The following DCLK2 variants were observed in gnomAD, a reference collection of about 807,000 sequenced individuals.
DCLK2 encodes the protein serine/threonine-protein kinase DCLK2.
Under a neutral mutation model 78.4 loss-of-function variants are expected in DCLK2, and 31 were observed. That is an observed-to-expected ratio of 0.40 (90% confidence interval 0.30 to 0.53). The LOEUF is 0.53. Among genes scored for constraint, DCLK2 ranks in the 20% least tolerant of loss-of-function variants. The probability of loss-of-function intolerance (pLI) is 0.61; values close to 1 mark genes in which losing one functional copy is unlikely to be tolerated. For missense variants in DCLK2, 872 were observed against 973.7 expected, an observed-to-expected ratio of 0.90 and a Z score of 1.39; for synonymous variants, 407 against 374.9, an observed-to-expected ratio of 1.09 and a Z score of -0.99.
At chr4:150,239,431 C>G (rs888782696) in intron 10 of DCLK2, among the ~76,000 whole-genome samples, 1 of 152,056 alleles carries the variant, frequency 6.6e-6, no homozygotes, top group East Asian at 1.9e-4. Flanking sequence ...GACCCCGTCT[C>G]TACAAAAAAT....
Position 150,098,703 on chromosome 4 carries a change from T to TC in DCLK2, c.422-3775_422-3774insC, listed in dbSNP as rs1229718278. 6.3e-4 allele frequency among the ~76,000 whole-genome samples: 94 copies of TC among 150,126 alleles called. 1 individual carries two copies. The highest frequency in any genetic ancestry group is 2.2e-3 in the African/African-American group (91 of 41,104). Reference sequence around the variant, plus strand: ...CTGTGGGGTTTTTTCTTTTTCTTTTTTTTTTTTTTTTGGCAGAGTCTCATT... The same window carrying TC: ...CTGTGGGGTTTTTTCTTTTTCTTTTTCTTTTTTTTTTTGGCAGAGTCTCATT... On this transcript the variant is annotated intron_variant, in intron 1 of 15. Transcript: ENST00000296550.
intron 1 of DCLK2, among the ~76,000 whole-genome samples, chr4:150,097,336 A>G (rs899850614): frequency 1.3e-5 from 2 of 151,696 alleles, no homozygotes. Context: ...TAATTTTTGT[A>G]TTTTTTAGTA....
chr4:150,170,242 C>T (rs1359759303), intron 2 of DCLK2, among the ~76,000 whole-genome samples: 2 of 152,088 alleles, frequency 1.3e-5, no homozygotes, highest in African/African-American at 2.4e-5. Context: ...CATGGTTTCA[C>T]CATGTTGGCC....
chr4:150,220,154 T>C (rs1209366109), intron 5 of DCLK2, among the ~76,000 whole-genome samples: 1 of 152,248 alleles, frequency 6.6e-6, no homozygotes, highest in African/African-American at 2.4e-5. Context: ...TCTCTGGACC[T>C]TGTTTTTAAA....
chr4:150,148,320 G>GT, intron 2 of DCLK2, among the ~76,000 whole-genome samples: 1 of 150,622 alleles, frequency 6.6e-6, no homozygotes, highest in South Asian at 2.1e-4. Flanking sequence ...AGCTGAGATG[G>GT]TGTCATTGCA....
chr4:150,184,978 C>T (rs1327152824), intron 2 of DCLK2, among the ~76,000 whole-genome samples: 7 of 152,198 alleles, frequency 4.6e-5, no homozygotes, highest in African/African-American at 1.4e-4. Flanking sequence ...AAGATGATCT[C>T]TGTGTGTCCT....
At chr4:150,130,710 C>G (rs137942380) in intron 2 of DCLK2, among the ~76,000 whole-genome samples, 1 of 151,922 alleles carries the variant, frequency 6.6e-6, no homozygotes, top group African/African-American at 2.4e-5. Context: ...GAAGGAAGAC[C>G]ACCGGCATAA....
In DCLK2 at chr4:150,181,355, G is replaced by T. The variant is rs555856989; in HGVS notation, c.757-11783G>T. On this transcript the variant is annotated intron_variant, in intron 2 of 15. Transcript: ENST00000296550. ...TTTCCTGTGGGAATTAAGACTGGGG[G>T]TAGGGAGCGGCTCTCAGTAGGGGGC... is the stretch of plus-strand genomic sequence containing the variant. 4.7e-4 allele frequency among the ~76,000 whole-genome samples: 72 copies of T among 152,238 alleles called. 2 individuals carry two copies. Among genetic ancestry groups the T allele is most frequent in the Admixed American group, 4.3e-3 (65 of 15,294 alleles).
chr4:150,140,798 C>T (rs1304370466), intron 2 of DCLK2, among the ~76,000 whole-genome samples: 4 of 151,978 alleles, frequency 2.6e-5, no homozygotes, highest in African/African-American at 4.8e-5. Context: ...TTGAGAATAA[C>T]GATGCAATGA....
At chr4:150,135,143 A>C (rs1366283751) in intron 2 of DCLK2, among the ~76,000 whole-genome samples, 2 of 139,746 alleles carry the variant, frequency 1.4e-5, no homozygotes, top group Admixed American at 1.5e-4. Context: ...TGGAAAAAAA[A>C]CACCTGCCTC....
intron 8 of DCLK2, among the ~76,000 whole-genome samples, chr4:150,229,051 A>G (rs1741837629): frequency 1.3e-5 from 2 of 150,406 alleles, no homozygotes; most frequent in South Asian, 4.2e-4. Context: ...AACAAAAAAA[A>G]AAACTATGGC....
intron 2 of DCLK2, among the ~76,000 whole-genome samples, chr4:150,104,166 A>G (rs1032130815): frequency 6.6e-6 from 1 of 152,062 alleles, no homozygotes; most frequent in African/African-American, 2.4e-5. Flanking sequence ...GTGATTTGAA[A>G]AATTAGAGCT....
chr4:150,126,270 A>G (rs1355091801), intron 2 of DCLK2, among the ~76,000 whole-genome samples: 1 of 152,240 alleles, frequency 6.6e-6, no homozygotes, highest in African/African-American at 2.4e-5. Flanking sequence ...TATGGTAGGC[A>G]CTCTACGAGA....
At chr4:150,192,349 A>G (rs1738515380) in intron 2 of DCLK2, among the ~76,000 whole-genome samples, 1 of 151,946 alleles carries the variant, frequency 6.6e-6, no homozygotes, top group African/African-American at 2.4e-5. Flanking sequence ...GTGTGGTGGC[A>G]TGCACCTGTA....
chr4:150,197,206 T>C lies in DCLK2; in HGVS notation c.860-796T>C, dbSNP rs1399285547. 6.6e-5 allele frequency among the ~76,000 whole-genome samples: 10 copies of C among 152,008 alleles called. 1 individual carries two copies. The South Asian group carries it at 1.2e-3, about 19-fold the overall frequency. On this transcript the variant is annotated intron_variant, in intron 3 of 15. Coordinates refer to ENST00000296550, the MANE Select transcript of DCLK2 (RefSeq NM_001040260.4). ...AAAGCTATTTTCCTCATTTTTGATG[T>C]TCCATACTTTGAGAAGATGGAACAT...
intron 1 of DCLK2, among the ~76,000 whole-genome samples, chr4:150,084,934 G>A (rs1392431464): frequency 6.6e-6 from 1 of 152,078 alleles, no homozygotes; most frequent in African/African-American, 2.4e-5. Flanking sequence ...GATTAGAGAT[G>A]CTTTTCTTCT....
intron 2 of DCLK2, among the ~76,000 whole-genome samples, chr4:150,147,429 T>C (rs931522822): frequency 1.3e-5 from 2 of 152,204 alleles, no homozygotes; most frequent in African/African-American, 4.8e-5. Context: ...GCTGGCTATG[T>C]GAAAGACCAG....
chr4:150,241,919 G>A (rs1262290589), intron 12 of DCLK2, among the ~76,000 whole-genome samples: 1 of 152,174 alleles, frequency 6.6e-6, no homozygotes, highest in African/African-American at 2.4e-5. Flanking sequence ...ATCACATTGG[G>A]CATTAGGTTG....
At chr4:150,225,412 TTAAC>T (rs1410650046) in intron 8 of DCLK2, among the ~76,000 whole-genome samples, 1 of 152,158 alleles carries the variant, frequency 6.6e-6, no homozygotes, top group Non-Finnish European at 1.5e-5. Flanking sequence ...TACTGATACT[TTAAC>T]TATGTTTGAA....
Sources: gnomAD v4.1 joint callset for allele counts (sites outside exome capture counted in the v4.1 genomes callset) on GRCh38, gnomAD v4.1.1 for gene constraint, MANE v1.5 for transcripts, NCBI Gene and HGNC (gene_info 2026-07-23, HGNC 2026-07-21) for gene names.